Variants in ZAN observed in about 807,000 individuals in gnomAD.
The protein encoded by ZAN is zonadhesin.
Under a neutral mutation model 286.2 loss-of-function variants are expected in ZAN, and 260 were observed. The ratio of observed to expected loss-of-function variants is 0.91; its 90% confidence interval spans 0.82 to 1.01. The LOEUF is 1.01. ZAN is among the 50% of genes least tolerant of loss of function. ZAN has a pLI of 0.00. For missense variants in ZAN, 3,410 were observed against 3,639.2 expected (o/e 0.94, Z 1.62); for synonymous variants, 1,368 against 1,417.5 (o/e 0.97, Z 0.79).
chr7:100,784,477 A>T (rs933832944), intron 35 of ZAN, 146 bp from the exon 36 acceptor site: 5 of 780,948 alleles, frequency 6.4e-6, no homozygotes, highest in Admixed American at 2.9e-5. Flanking sequence ...CATACTCAGT[A>T]AATGTTTGCT....
chr7:100,761,863 C>A (rs772383508), intron 19 of ZAN, among the ~76,000 whole-genome samples: 1 of 151,546 alleles, frequency 6.6e-6, no homozygotes, highest in Admixed American at 6.6e-5. Flanking sequence ...CACTAGAACC[C>A]GGGAGGTGGA....
Position 100,734,093 on chromosome 7 carries a change from A to G in ZAN, c.-76A>G. Reference sequence around the variant, plus strand: ...GGAAGGATGCCAAGCTAAGGAGGCCAGGGGGGAATAAAAGGAGTCCAGGCT... The same window carrying G: ...GGAAGGATGCCAAGCTAAGGAGGCCGGGGGGGAATAAAAGGAGTCCAGGCT... On this transcript the variant is annotated 5_prime_UTR_variant, in exon 2 of 48. Coordinates refer to ENST00000613979, the MANE Select transcript of ZAN (RefSeq NM_003386.3). 1.0e-6 allele frequency: 1 copy of G among 967,096 alleles called. No homozygotes were observed. Among genetic ancestry groups the G allele is most frequent in the Non-Finnish European group, 1.6e-6 (1 of 630,360 alleles). The allele number at this position is 967,096 out of a possible 1,614,324, so 59.9% of individuals were successfully genotyped here. A position where few individuals can be genotyped will look rare whatever the true frequency, so the allele number is the denominator to read the frequency against.
chr7:100,790,215 G>A (rs1811847757), intron 39 of ZAN, among the ~76,000 whole-genome samples: 1 of 152,120 alleles, frequency 6.6e-6, no homozygotes, highest in Non-Finnish European at 1.5e-5. Context: ...AGTGAGCCAT[G>A]ATTGAGCCAC....
At chr7:100,773,630 G>A (rs1810543686) in intron 30 of ZAN, 91 bp from the exon 31 acceptor site, 2 of 1,545,236 alleles carry the variant, frequency 1.3e-6, no homozygotes, top group African/African-American at 1.4e-5. Flanking sequence ...CGAGGAGGAA[G>A]GGCAGATGCT....
chr7:100,744,877 T>TG (rs1554398354), intron 7 of ZAN, among the ~76,000 whole-genome samples: 13 of 151,076 alleles, frequency 8.6e-5, no homozygotes, highest in African/African-American at 2.9e-4. Context: ...TGGTTTTTTT[T>TG]TTGTTGTTGT....
chr7:100,780,537 G>T (rs1332795148), intron 35 of ZAN, among the ~76,000 whole-genome samples: 1 of 151,750 alleles, frequency 6.6e-6, no homozygotes, highest in Non-Finnish European at 1.5e-5. Flanking sequence ...AGCTGGGTAT[G>T]GTGGTGCATG....
intron 28 of ZAN, among the ~76,000 whole-genome samples, chr7:100,770,329 C>A (rs570914607): frequency 6.6e-6 from 1 of 151,652 alleles, no homozygotes; most frequent in South Asian, 2.1e-4. Context: ...ATGGTGAAAC[C>A]CCGTCTCTAC....
intron 31 of ZAN, among the ~76,000 whole-genome samples, chr7:100,774,283 T>C (rs1398342358): frequency 6.6e-6 from 1 of 152,068 alleles, no homozygotes; most frequent in African/African-American, 2.4e-5. Context: ...GGCAGGAGAA[T>C]TGCTTGAACC....
rs1184984985 is a variant in ZAN at position 100,797,614 on chromosome 7, G to A, written c.8404G>A (p.Val2802Met). 3.7e-6 allele frequency: 6 copies of A among 1,613,840 alleles called. No homozygotes were observed. The highest frequency in any genetic ancestry group is 5.1e-6 in the Non-Finnish European group (6 of 1,179,902). ...GGAGGGAGACAGACTGGCCAGGCTG[G>A]TGGACACAGGTGAGAACCAACCCCA... ...TQEGDRLARL[V>M]DTDTVLDCAC The change falls in exon 47 of 48, where the codon GTG becomes ATG. Residue 2802 changes from valine (V) to methionine (M), a missense_variant. Around this residue, in one of 7 missense-constraint regions of ZAN, gnomAD observed 1,289 missense variants for 1,314.3 expected, o/e 0.98. Transcript: ENST00000613979.
rs1486399492 is a variant in ZAN at position 100,765,489 on chromosome 7, A to C, written c.4405A>C (p.Ser1469Arg). The change falls in exon 23 of 48, where the codon AGT (serine) becomes CGT (arginine). Residue 1469 changes from serine to arginine, a missense_variant. This residue lies in a region of ZAN where 1,042 missense variants were observed against 1,058.0 expected (regional missense o/e 0.98). Coordinates refer to ENST00000613979, the MANE Select transcript of ZAN (RefSeq NM_003386.3). ...ACECNPGFVL[S>R]GLECIPRSQC... ...TGAATGCAATCCGGGCTTCGTCCTC[A>C]GTGGCCTCGAGTGCATACCTCGCTC... 1 of 1,612,762 alleles carries C rather than the reference A, an allele frequency of 6.2e-7. No homozygotes were observed. Among genetic ancestry groups the C allele is most frequent in the Admixed American group, 1.7e-5 (1 of 59,786 alleles).
rs754192005 is a variant in ZAN at position 100,784,754 on chromosome 7, C to A, written c.6754C>A (p.Pro2252Thr). Residue 2252 changes from proline (P) to threonine (T), a missense_variant, in exon 36 of 48, where the codon CCC becomes ACC. Pro to Thr is a conservative substitution (Grantham distance 38). This residue lies in a region of ZAN where 1,289 missense variants were observed against 1,314.3 expected (regional missense o/e 0.98). Transcript: ENST00000613979. The stretch of plus-strand genomic sequence containing the variant: ...CTGCGCTGAGGGCTGCATTTGTCAG[C>A]CCGGCTATGTGCTGAGTGAAGACAA... ...SACAEGCICQ[P>T]GYVLSEDKCV... 6.2e-7 allele frequency: 1 copy of A among 1,613,896 alleles called. No homozygotes were observed. The highest frequency in any genetic ancestry group is 8.5e-7 in the Non-Finnish European group (1 of 1,179,868).
intron 13 of ZAN, 146 bp downstream of exon 13, chr7:100,751,412 C>A: frequency 1.6e-6 from 1 of 623,950 alleles, no homozygotes. Context: ...ACACACCTCT[C>A]CTTCCCCTGC....
At position 100,748,384 on chromosome 7, in the gene ZAN, C is replaced by T; in HGVS notation, c.1163C>T (p.Thr388Ile). ...CATCCCTTCTGTGACTGGGTCCAGA[C>T]TTCCGGGGATGGTGGACACTGGGCC... ...NAHPFCDWVQ[T>I]SGDGGHWALG... Residue 388 changes from threonine to isoleucine, a missense_variant, in exon 11 of 48, where the codon ACT (threonine) becomes ATT (isoleucine). By Grantham distance (89) the Thr-to-Ile change is moderately conservative. This residue lies in a region of ZAN where 872 missense variants were observed against 938.9 expected (regional missense o/e 0.93). Coordinates refer to ENST00000613979, the MANE Select transcript of ZAN (RefSeq NM_003386.3). The T allele has an allele frequency of 6.2e-7, 1 of 1,614,016 alleles. No individual in the cohort carries two copies. Among genetic ancestry groups the T allele is most frequent in the Non-Finnish European group, 8.5e-7 (1 of 1,179,904 alleles).
intron 37 of ZAN, among the ~76,000 whole-genome samples, chr7:100,787,322 A>T (rs575575714): frequency 1.3e-5 from 2 of 151,934 alleles, no homozygotes; most frequent in East Asian, 3.9e-4. Context: ...CCAGCTACTC[A>T]GGAGGATCAC....
chr7:100,795,211 A>C lies in ZAN; in HGVS notation c.8141A>C (p.Gln2714Pro), dbSNP rs1190194267. The stretch of plus-strand genomic sequence containing the variant: ...GTCCTTGCAGAAAGCCCGTGTCTGC[A>C]GAACCCCTGTCAGAATGACGGGCAG... ...QGCFPESPCL[Q>P]NPCQNDGQCR... The change falls in exon 45 of 48, where the codon CAG becomes CCG. Residue 2714 changes from glutamine (Q) to proline (P), a missense_variant. Gln to Pro is a moderately conservative substitution (Grantham distance 76). This residue lies in a region of ZAN where 1,289 missense variants were observed against 1,314.3 expected (regional missense o/e 0.98). Transcript: ENST00000613979. The C allele has an allele frequency of 1.2e-6, 2 of 1,610,228 alleles. No individual in the cohort carries two copies. The highest frequency in any genetic ancestry group is 2.2e-5 in the South Asian group (2 of 90,552).
At chr7:100,782,953 G>A (rs1232494968) in intron 35 of ZAN, among the ~76,000 whole-genome samples, 1 of 152,134 alleles carries the variant, frequency 6.6e-6, no homozygotes, top group African/African-American at 2.4e-5. Flanking sequence ...GTAACACAAA[G>A]TCGTAATCAC....
chr7:100,740,464 T>C (rs1807661301), intron 7 of ZAN, among the ~76,000 whole-genome samples: 1 of 70,060 alleles, frequency 1.4e-5, no homozygotes, highest in African/African-American at 6.3e-5. Flanking sequence ...GCAGTGTTTG[T>C]GTCCCTGATT....
At position 100,773,834 on chromosome 7, in the gene ZAN, C is replaced by T. The variant is rs1810568475; in HGVS notation, c.5748C>T (p.Ala1916=). ...GCAAACCCAACCAGATATGCTGGGC[C>T]CTGGATGGGCTGCTCCATTGTCGGG... ...STCKPNQICW[A]LDGLLHCRAS... Residue 1916 remains alanine, a synonymous_variant, in exon 31 of 48, where the codon GCC becomes GCT. Transcript: ENST00000613979. 6.3e-7 allele frequency: 1 copy of T among 1,577,562 alleles called. No individual in the cohort carries two copies. The highest frequency in any genetic ancestry group is 1.7e-5 in the African/African-American group (1 of 60,542).
In ZAN at chr7:100,794,137, G is replaced by A; in HGVS notation, c.8004G>A (p.Leu2668=). ...CTTTCTAGCTGGGCAGCAGCTTTCTGACTGAGGACTGCTCTCAGCGGTGCA... is the reference window on the plus strand; with the variant it reads ...CTTTCTAGCTGGGCAGCAGCTTTCTAACTGAGGACTGCTCTCAGCGGTGCA... The part of the protein sequence containing the change: ...GIYYQLGSSF[L]TEDCSQRCTC... The change falls in exon 44 of 48, where the codon CTG becomes CTA. Residue 2668 remains leucine, a synonymous_variant. Transcript: ENST00000613979. 6.2e-7 allele frequency: 1 copy of A among 1,614,002 alleles called. No homozygotes were observed. Among genetic ancestry groups the A allele is most frequent in the Non-Finnish European group, 8.5e-7 (1 of 1,179,886 alleles).
Sources: gnomAD v4.1 joint callset for allele counts (sites outside exome capture counted in the v4.1 genomes callset) on GRCh38, gnomAD v4.1.1 for gene constraint, gnomAD v4.1.1 regional missense constraint, MANE v1.5 for transcripts, NCBI Gene and HGNC (gene_info 2026-07-23, HGNC 2026-07-21) for gene names.